Variants in TF observed in about 807,000 individuals in gnomAD.
The protein encoded by TF is serotransferrin.
Under a neutral mutation model 82.4 loss-of-function variants are expected in TF, and 55 were observed. That is an observed-to-expected ratio of 0.67 (90% CI 0.54 to 0.84). TF has a LOEUF of 0.84. Ranked by LOEUF, TF falls within the 40% of genes least tolerant of loss-of-function variation. TF has a pLI of 0.00. For synonymous variants in TF, 332 were observed against 332.6 expected, an observed-to-expected ratio of 1.00 and a Z score of 0.02; for missense variants, 737 against 868.4, an observed-to-expected ratio of 0.85 and a Z score of 1.90.
At chr3:133,703,884 G>T in the TF span, among the ~76,000 whole-genome samples, 24 of 152,154 alleles carry the variant, frequency 1.6e-4, no homozygotes, top group Non-Finnish European at 2.8e-4. Flanking sequence ...ATAGAAACAG[G>T]TTAAATGCAT....
intron 14 of TF, chr3:133,775,143 A>G (rs1212193523): frequency 4.2e-6 from 2 of 475,890 alleles, no homozygotes; most frequent in Non-Finnish European, 7.7e-6. Flanking sequence ...AATTTAGTGG[A>G]ATTGAAGATC....
chr3:133,695,343 G>A, the TF span, among the ~76,000 whole-genome samples: 1 of 151,066 alleles, frequency 6.6e-6, no homozygotes, highest in Non-Finnish European at 1.5e-5. Context: ...CGCCTCCTGG[G>A]TTCAAGCGAT....
At chr3:133,776,876 TG>T (rs1934405308) in intron 15 of TF, among the ~76,000 whole-genome samples, 172 bp from the exon 16 acceptor site, 1 of 152,070 alleles carries the variant, frequency 6.6e-6, no homozygotes, top group Non-Finnish European at 1.5e-5. Context: ...AGCATGCAGC[TG>T]GGGCCCTAAG....
chr3:133,704,519 T>A, the TF span, among the ~76,000 whole-genome samples: 1 of 151,980 alleles, frequency 6.6e-6, no homozygotes, highest in Admixed American at 6.6e-5. Context: ...CAGAAAGAGA[T>A]CAAAATAACA....
chr3:133,711,050 A>G, the TF span, among the ~76,000 whole-genome samples: 2 of 152,188 alleles, frequency 1.3e-5, no homozygotes, highest in Admixed American at 6.5e-5. Context: ...CCCTAAAATA[A>G]TATCTCCTGG....
chr3:133,778,887 A>G lies in TF; in HGVS notation c.*267A>G, dbSNP rs972855485. Reference sequence around the variant, plus strand: ...AACTGAGCCCTTCCTTCTCAGCTCAAGATTCGTCTGGTCTTTCCCTACAGC... The same window carrying G: ...AACTGAGCCCTTCCTTCTCAGCTCAGGATTCGTCTGGTCTTTCCCTACAGC... On this transcript the variant is annotated 3_prime_UTR_variant, in exon 17 of 17. Coordinates refer to ENST00000402696, the MANE Select transcript of TF (RefSeq NM_001063.4). 2.6e-6 allele frequency: 1 copy of G among 390,798 alleles called. No individual in the cohort carries two copies. Among genetic ancestry groups the G allele is most frequent in the South Asian group, 2.2e-5 (1 of 44,702 alleles). The allele number at this position is 390,798 out of a possible 1,614,324, so 24.2% of individuals were successfully genotyped here.
At chr3:133,758,009 C>A in intron 8 of TF, 63 bp downstream of exon 8, 1 of 1,537,470 alleles carries the variant, frequency 6.5e-7, no homozygotes, top group Non-Finnish European at 9.0e-7. Flanking sequence ...GCACAGGGGC[C>A]AGAGATTGAG....
chr3:133,669,360 T>C, the TF span, among the ~76,000 whole-genome samples: 1 of 152,158 alleles, frequency 6.6e-6, no homozygotes, highest in Non-Finnish European at 1.5e-5. Context: ...CTGAGAAGGC[T>C]TGTCTAAAAG....
chr3:133,758,135 C>T (rs1318989212), intron 8 of TF, among the ~76,000 whole-genome samples, 189 bp downstream of exon 8: 1 of 152,208 alleles, frequency 6.6e-6, no homozygotes, highest in African/African-American at 2.4e-5. Flanking sequence ...TTGATGTCAC[C>T]ATGGGCTTTA....
rs545614722 is a variant in TF, at chr3:133,755,026, C to T, written c.503-337C>T. Among the ~76,000 whole-genome samples the T allele has an allele frequency of 1.8e-4, 27 of 152,332 alleles. No homozygotes were observed. In the South Asian group the frequency reaches 5.6e-3, roughly 32 times the overall value. On this transcript the variant is annotated intron_variant, in intron 4 of 16. Coordinates refer to ENST00000402696, the MANE Select transcript of TF (RefSeq NM_001063.4). ...AGCCCTGCACCTCTCTTAAGCAGTT[C>T]TCATGTCTGGGGCATGGATCCCAGA...
At chr3:133,691,651 C>G in the TF span, 3 of 152,794 alleles carry the variant, frequency 2.0e-5, no homozygotes, top group African/African-American at 7.2e-5. Context: ...GCAAGTGTCT[C>G]TGGCAGAGGG....
chr3:133,741,623 G>T (rs894886119), upstream of TF, among the ~76,000 whole-genome samples: 2 of 152,176 alleles, frequency 1.3e-5, no homozygotes, highest in Non-Finnish European at 2.9e-5. Context: ...AAGAGGTTTT[G>T]TTATGAATGG....
chr3:133,683,038 G>T, the TF span, among the ~76,000 whole-genome samples: 1 of 152,122 alleles, frequency 6.6e-6, no homozygotes, highest in Non-Finnish European at 1.5e-5. Flanking sequence ...AAGAGAGTGG[G>T]GGCCAATATT....
At chr3:133,675,539 GA>G in the TF span, among the ~76,000 whole-genome samples, 4 of 152,218 alleles carry the variant, frequency 2.6e-5, no homozygotes, top group Admixed American at 6.5e-5. Flanking sequence ...AGGTTTCATA[GA>G]AAGGAGAAAT....
chr3:133,733,873 A>AAAC, the TF span, among the ~76,000 whole-genome samples: 1 of 98,302 alleles, frequency 1.0e-5, no homozygotes, highest in Non-Finnish European at 2.0e-5. Context: ...AAAACAAAAA[A>AAAC]AAAAAAAACA....
the TF span, among the ~76,000 whole-genome samples, chr3:133,665,454 T>C: frequency 7.4e-6 from 1 of 134,626 alleles, no homozygotes; most frequent in Admixed American, 8.2e-5. Flanking sequence ...GATAACAGAG[T>C]GAGACCCTAT....
At chr3:133,775,024 AAAG>A in intron 14 of TF, 1 of 330,042 alleles carries the variant, frequency 3.0e-6, no homozygotes, top group African/African-American at 2.1e-5. Context: ...TCTCTGAGGA[AAAG>A]TTCTTTTGTT....
the TF span, among the ~76,000 whole-genome samples, chr3:133,706,529 C>A: frequency 1.3e-5 from 2 of 152,104 alleles, no homozygotes; most frequent in Non-Finnish European, 2.9e-5. Flanking sequence ...AACAAAAATT[C>A]TGGGGCTCCA....
intron 11 of TF, 114 bp downstream of exon 11, chr3:133,765,021 A>T: frequency 1.0e-6 from 1 of 997,188 alleles, no homozygotes; most frequent in South Asian, 1.3e-5. Context: ...AATTTTCACA[A>T]TGCGAGAGAA....
Sources: allele counts gnomAD v4.1 joint callset (sites outside exome capture counted in the v4.1 genomes callset), GRCh38; gene constraint gnomAD v4.1.1; transcripts MANE v1.5; gene names NCBI Gene and HGNC (gene_info 2026-07-23, HGNC 2026-07-21).